The following PTPRD variants were observed in gnomAD, a reference collection of about 807,000 sequenced individuals.
PTPRD encodes the protein protein tyrosine phosphatase receptor type D.
PTPRD carries 34 observed loss-of-function variants against 214.5 expected under a neutral mutation model. The observed-to-expected ratio is 0.16, with a 90% CI of 0.12 to 0.21. The LOEUF is 0.21. Ranked by LOEUF, PTPRD falls within the 10% of genes least tolerant of loss-of-function variation. The pLI, the probability that PTPRD is intolerant of heterozygous loss-of-function variation, is 1.00. For missense variants in PTPRD, 2,545 were observed against 2,398.7 expected (o/e 1.06, Z -1.27); for synonymous variants, 1,128 against 845.7 (o/e 1.33, Z -5.79).
At chr9:10,183,732 G>A (rs1286377334) in intron 3 of PTPRD, among the ~76,000 whole-genome samples, 2 of 152,108 alleles carry the variant, frequency 1.3e-5, no homozygotes, top group Non-Finnish European at 2.9e-5. Context: ...AGAAACAATT[G>A]TAAAGTTACT....
intron 3 of PTPRD, among the ~76,000 whole-genome samples, chr9:10,211,517 T>C (rs1197012433): frequency 2.8e-4 from 42 of 152,180 alleles, no homozygotes; most frequent in Admixed American, 2.8e-3. Context: ...TCAATAAATG[T>C]ACTGAATGGT....
chr9:9,077,931 G>A (rs961153246), intron 10 of PTPRD, among the ~76,000 whole-genome samples: 8 of 152,020 alleles, frequency 5.3e-5, no homozygotes, highest in African/African-American at 1.9e-4. Context: ...AAGCCATTGA[G>A]CATTTATCTA....
chr9:9,605,801 T>C (rs2094115994), intron 7 of PTPRD, among the ~76,000 whole-genome samples: 1 of 152,082 alleles, frequency 6.6e-6, no homozygotes, highest in Admixed American at 6.6e-5. Context: ...CTTCTGGTAA[T>C]TAAACTTTCT....
chr9:9,741,618 C>A (rs890125503), intron 6 of PTPRD, among the ~76,000 whole-genome samples: 2 of 152,138 alleles, frequency 1.3e-5, no homozygotes, highest in Middle Eastern at 3.2e-3. Flanking sequence ...CCCCCAAACC[C>A]TGACAGGCCC....
chr9:9,008,942 AG>A (rs1221057772), intron 11 of PTPRD, among the ~76,000 whole-genome samples: 1 of 152,172 alleles, frequency 6.6e-6, no homozygotes, highest in African/African-American at 2.4e-5. Context: ...TGTAAAAACA[AG>A]GGGAAAATCT....
At chr9:10,418,524 T>G (rs1243231165) in intron 2 of PTPRD, among the ~76,000 whole-genome samples, 1 of 150,966 alleles carries the variant, frequency 6.6e-6, no homozygotes, top group Non-Finnish European at 1.5e-5. Context: ...CTGCTGTAAT[T>G]TTCTCCATAG....
At chr9:9,836,128 C>G (rs185343486) in intron 5 of PTPRD, among the ~76,000 whole-genome samples, 1 of 152,184 alleles carries the variant, frequency 6.6e-6, no homozygotes, top group Admixed American at 6.6e-5. Flanking sequence ...ATGGTTTGGA[C>G]AAATGTTTAA....
chr9:10,014,993 G>C lies in PTPRD; in HGVS notation c.-472+18725C>G, dbSNP rs117384103. On this transcript the variant is annotated intron_variant, in intron 4 of 45. Coordinates refer to ENST00000381196, the MANE Select transcript of PTPRD (RefSeq NM_002839.4). Reference sequence around the variant, plus strand: ...TATATGGGATCTGTAAATGGTAATAGCCACATGGCATCCACTAGAGTAGTT... The same window carrying C: ...TATATGGGATCTGTAAATGGTAATACCCACATGGCATCCACTAGAGTAGTT... Among the ~76,000 whole-genome samples the C allele has an allele frequency of 7.5e-3, 1,145 of 152,162 alleles. 13 individuals carry two copies. Among genetic ancestry groups the C allele is most frequent in the Non-Finnish European group, 0.011 (755 of 67,920 alleles).
At chr9:10,398,511 G>A (rs931398653) in intron 2 of PTPRD, among the ~76,000 whole-genome samples, 1 of 151,948 alleles carries the variant, frequency 6.6e-6, no homozygotes, top group African/African-American at 2.4e-5. Context: ...TATTAAAACT[G>A]TGGGTGGACC....
rs572297302 is a variant in PTPRD at position 9,271,286 on chromosome 9, TA to T, written c.-202-87924del. Among the ~76,000 whole-genome samples the T allele has an allele frequency of 4.0e-3, 574 of 144,160 alleles. 2 individuals carry two copies. Among genetic ancestry groups the T allele is most frequent in the Admixed American group, 8.6e-3 (123 of 14,332 alleles). 94.6% of individuals were successfully genotyped at this position (144,160 alleles called of 152,430 possible). On this transcript the variant is annotated intron_variant, in intron 9 of 45. Transcript: ENST00000381196. ...TCCTTCAAACTTATTTTTCTCATCT[TA>T]AAAAAAAAAAACATCTGTGAACTTT...
At chr9:8,474,407 G>A (rs765177580) in intron 30 of PTPRD, among the ~76,000 whole-genome samples, 1 of 152,016 alleles carries the variant, frequency 6.6e-6, no homozygotes, top group Non-Finnish European at 1.5e-5. Flanking sequence ...GAAGCTCTCA[G>A]ATTCTTCAAT....
rs148418649 is a variant in PTPRD at position 9,003,285 on chromosome 9, A to T, written c.-104+15412T>A. Among the ~76,000 whole-genome samples the T allele has an allele frequency of 1.4e-3, 216 of 152,092 alleles. 1 individual carries two copies. The highest frequency in any genetic ancestry group is 4.7e-3 in the African/African-American group (194 of 41,526). On this transcript the variant is annotated intron_variant, in intron 11 of 45. Coordinates refer to ENST00000381196, the MANE Select transcript of PTPRD (RefSeq NM_002839.4). ...TTTTTCCTCTATTGTTCTATGAGCAACTAAGACATGAACAGCTGAATCTAA... is the reference window on the plus strand; with the variant it reads ...TTTTTCCTCTATTGTTCTATGAGCATCTAAGACATGAACAGCTGAATCTAA...
At chr9:8,664,601 A>C (rs749229086) in intron 12 of PTPRD, among the ~76,000 whole-genome samples, 1 of 152,198 alleles carries the variant, frequency 6.6e-6, no homozygotes, top group Non-Finnish European at 1.5e-5. Flanking sequence ...CCTAGTGAGC[A>C]GAGACCACCA....
intron 10 of PTPRD, among the ~76,000 whole-genome samples, chr9:9,084,889 T>G (rs1368770703): frequency 1.3e-5 from 2 of 152,184 alleles, no homozygotes; most frequent in African/African-American, 4.8e-5. Flanking sequence ...TAAATATTTC[T>G]TAGCCACTTT....
intron 11 of PTPRD, among the ~76,000 whole-genome samples, chr9:8,978,106 A>T (rs2099278448): frequency 6.6e-6 from 1 of 152,112 alleles, no homozygotes; most frequent in Non-Finnish European, 1.5e-5. Flanking sequence ...GGAAACAGAA[A>T]CTGGAAGCCA....
At chr9:9,865,023 T>C (rs973649759) in intron 5 of PTPRD, among the ~76,000 whole-genome samples, 1 of 151,564 alleles carries the variant, frequency 6.6e-6, no homozygotes, top group Non-Finnish European at 1.5e-5. Context: ...CAAAAATACC[T>C]CTATATTCTT....
At chr9:9,797,552 C>G (rs935068628) in intron 5 of PTPRD, among the ~76,000 whole-genome samples, 1 of 151,910 alleles carries the variant, frequency 6.6e-6, no homozygotes, top group Non-Finnish European at 1.5e-5. Context: ...CGAAAAGGAT[C>G]GTCTTCTGTC....
intron 5 of PTPRD, among the ~76,000 whole-genome samples, chr9:9,780,514 A>G (rs2098834857): frequency 6.6e-6 from 1 of 152,230 alleles, no homozygotes; most frequent in South Asian, 2.1e-4. Context: ...TGCTGATCAT[A>G]TATCATTGGT....
At chr9:8,464,144 C>A (rs1244881958) in intron 32 of PTPRD, among the ~76,000 whole-genome samples, 2 of 151,850 alleles carry the variant, frequency 1.3e-5, no homozygotes, top group African/African-American at 4.8e-5. Flanking sequence ...GTGTGTAGTT[C>A]AGTGGTTCAG....
Sources: gnomAD v4.1 joint callset for allele counts (sites outside exome capture counted in the v4.1 genomes callset) on GRCh38, gnomAD v4.1.1 for gene constraint, MANE v1.5 for transcripts, NCBI Gene and HGNC (gene_info 2026-07-23, HGNC 2026-07-21) for gene names.